The following PSTPIP2 variants were observed in gnomAD, a reference collection of about 807,000 sequenced individuals.
PSTPIP2 encodes the protein proline-serine-threonine phosphatase-interacting protein 2.
PSTPIP2 carries 33 observed loss-of-function variants against 63.3 expected under a neutral mutation model. The observed-to-expected ratio is 0.52, with a 90% CI of 0.40 to 0.70. The LOEUF (loss-of-function observed/expected upper bound fraction) is 0.70, where lower values mean the gene tolerates loss of function less well. Among genes scored for constraint, PSTPIP2 ranks in the 30% least tolerant of loss-of-function variants. PSTPIP2 has a pLI of 0.00. For synonymous variants in PSTPIP2, 125 were observed against 132.7 expected, an observed-to-expected ratio of 0.94 and a Z score of 0.40; for missense variants, 312 against 400.7, an observed-to-expected ratio of 0.78 and a Z score of 1.89.
At chr18:46,066,427 T>G (rs369569364) in intron 1 of PSTPIP2, among the ~76,000 whole-genome samples, 13 of 152,360 alleles carry the variant, frequency 8.5e-5, no homozygotes, top group South Asian at 2.1e-4. Context: ...TGAGATGTTG[T>G]GTGTCTGTCT....
At chr18:45,994,186 G>T (rs2051568006) in intron 9 of PSTPIP2, among the ~76,000 whole-genome samples, 1 of 151,934 alleles carries the variant, frequency 6.6e-6, no homozygotes, top group Admixed American at 6.6e-5. Flanking sequence ...TTAAAAAAAG[G>T]GTTAAAATAA....
intron 4 of PSTPIP2, 118 bp downstream of exon 4, chr18:46,015,785 G>T: frequency 9.0e-7 from 1 of 1,116,350 alleles, no homozygotes; most frequent in Non-Finnish European, 1.3e-6. Context: ...CTTAGGAGTT[G>T]CTCTAATTTT....
intron 1 of PSTPIP2, among the ~76,000 whole-genome samples, chr18:46,043,152 G>A (rs1490749427): frequency 1.3e-5 from 2 of 150,466 alleles, no homozygotes; most frequent in East Asian, 2.0e-4. Flanking sequence ...TTGGGAGGCC[G>A]AGGCGGGAGG....
intron 1 of PSTPIP2, among the ~76,000 whole-genome samples, chr18:46,051,469 G>T (rs1007046552): frequency 3.3e-5 from 5 of 151,738 alleles, no homozygotes; most frequent in Admixed American, 2.0e-4. Context: ...GCAAGACTCT[G>T]TCTCAAGAAA....
chr18:46,012,416 G>A (rs1039645628), intron 4 of PSTPIP2, among the ~76,000 whole-genome samples: 3 of 152,202 alleles, frequency 2.0e-5, no homozygotes, highest in Non-Finnish European at 2.9e-5. Context: ...AAACTATAGA[G>A]AGAGATGTAT....
chr18:46,049,206 A>G (rs1018281011), intron 1 of PSTPIP2, among the ~76,000 whole-genome samples: 9 of 152,158 alleles, frequency 5.9e-5, no homozygotes, highest in Admixed American at 2.0e-4. Flanking sequence ...CAACTAACAC[A>G]AGAACAGATA....
chr18:45,985,643 T>C (rs764897019), intron 14 of PSTPIP2, among the ~76,000 whole-genome samples, 193 bp from the exon 15 acceptor site: 1 of 152,198 alleles, frequency 6.6e-6, no homozygotes, highest in Admixed American at 6.6e-5. Flanking sequence ...AATACATACA[T>C]TTACATTTTT....
intron 1 of PSTPIP2, among the ~76,000 whole-genome samples, chr18:46,045,532 G>A (rs951439707): frequency 3.3e-5 from 5 of 151,942 alleles, no homozygotes; most frequent in Non-Finnish European, 2.9e-5. Flanking sequence ...GAGGGGGAAG[G>A]GATAGCTTTA....
At position 45,993,010 on chromosome 18, in the gene PSTPIP2, G is replaced by A. The variant is rs1216370049; in HGVS notation, c.741+595C>T. On this transcript the variant is annotated intron_variant, in intron 10 of 14. Transcript: ENST00000409746. ...CAAAGTGCTGGGATTACAGGTGTAA[G>A]CCACCGTGCCCAGCCTACATTTACT... Among the ~76,000 whole-genome samples the A allele has an allele frequency of 5.9e-5, 9 of 152,144 alleles. No homozygotes were observed. The South Asian group carries it at 6.2e-4, about 11-fold the overall frequency.
intron 1 of PSTPIP2, among the ~76,000 whole-genome samples, chr18:46,041,953 C>A (rs955110662): frequency 6.6e-6 from 1 of 152,120 alleles, no homozygotes; most frequent in Non-Finnish European, 1.5e-5. Flanking sequence ...CAGCCCTGGA[C>A]ACTGGAGAAG....
intron 1 of PSTPIP2, among the ~76,000 whole-genome samples, chr18:46,067,130 C>G (rs1031615259): frequency 1.5e-4 from 23 of 152,092 alleles, no homozygotes; most frequent in Non-Finnish European, 1.5e-5. Flanking sequence ...GTTCATGACT[C>G]TATCTTCCCT....
intron 1 of PSTPIP2, among the ~76,000 whole-genome samples, chr18:46,064,752 G>A (rs1389558940): frequency 1.3e-5 from 2 of 152,044 alleles, no homozygotes; most frequent in Admixed American, 6.6e-5. Context: ...AAAATGGCTG[G>A]GCAATGATGA....
chr18:46,016,817 T>C (rs572979357), intron 3 of PSTPIP2, among the ~76,000 whole-genome samples: 12 of 152,326 alleles, frequency 7.9e-5, no homozygotes, highest in East Asian at 5.8e-4. Flanking sequence ...GTTAGTATTA[T>C]ACTTACCCTC....
chr18:46,044,396 A>G (rs925373681), intron 1 of PSTPIP2, among the ~76,000 whole-genome samples: 6 of 152,198 alleles, frequency 3.9e-5, no homozygotes, highest in Non-Finnish European at 5.9e-5. Flanking sequence ...TGAGAAAAAC[A>G]AGCAATGGGG....
chr18:46,017,972 T>A (rs1356962953), intron 3 of PSTPIP2, among the ~76,000 whole-genome samples: 2 of 152,182 alleles, frequency 1.3e-5, no homozygotes, highest in African/African-American at 4.8e-5. Flanking sequence ...TCAATTATAG[T>A]TAATGTGTTA....
At chr18:46,000,751 G>A (rs1431251386) in intron 6 of PSTPIP2, among the ~76,000 whole-genome samples, 1 of 152,152 alleles carries the variant, frequency 6.6e-6, no homozygotes, top group Non-Finnish European at 1.5e-5. Context: ...ATTGCCACCA[G>A]TATTATGGAA....
chr18:46,000,691 A>G (rs1045362878), intron 6 of PSTPIP2, among the ~76,000 whole-genome samples: 10 of 152,222 alleles, frequency 6.6e-5, no homozygotes, highest in African/African-American at 2.4e-4. Flanking sequence ...TATTTAAAGA[A>G]TTCTGTTTTA....
chr18:46,011,382 T>C (rs181223958), intron 4 of PSTPIP2, 95 bp from the exon 5 acceptor site: 62 of 960,292 alleles, frequency 6.5e-5, no homozygotes, highest in Admixed American at 1.3e-4. Flanking sequence ...TACAAAATAC[T>C]GGAGTAAGTG....
In PSTPIP2 at chr18:46,009,769, C is replaced by G. The variant is rs530284436; in HGVS notation, c.354+1412G>C. 2.0e-5 allele frequency among the ~76,000 whole-genome samples: 3 copies of G among 152,272 alleles called. No individual in the cohort carries two copies. The South Asian group carries it at 6.2e-4, about 32-fold the overall frequency. On this transcript the variant is annotated intron_variant, in intron 5 of 14. Transcript: ENST00000409746. ...TCCTCTGAGGGGAAGTCATGCGTGC[C>G]TAGACTCTGGTTGTCTAAGGCATTT...
Sources: allele counts gnomAD v4.1 joint callset (sites outside exome capture counted in the v4.1 genomes callset), GRCh38; gene constraint gnomAD v4.1.1; transcripts MANE v1.5; gene names NCBI Gene and HGNC (gene_info 2026-07-23, HGNC 2026-07-21).